GALNT14: variants seen among roughly 807,000 people sequenced by gnomAD.
GALNT14 encodes polypeptide N-acetylgalactosaminyltransferase 14, also known as UDP-GalNAc:polypeptide N-acetylgalactosaminyltransferase 14.
Under a neutral mutation model 77.5 loss-of-function variants are expected in GALNT14, and 60 were observed. The observed-to-expected ratio is 0.77, with a 90% CI of 0.63 to 0.96. The LOEUF (loss-of-function observed/expected upper bound fraction) is 0.96. GALNT14 is among the 40% of genes least tolerant of loss of function. The probability of loss-of-function intolerance (pLI) is 0.00; values close to 1 mark genes in which losing one functional copy is unlikely to be tolerated. For missense variants in GALNT14, 710 were observed against 731.0 expected, an observed-to-expected ratio of 0.97 and a Z score of 0.33; for synonymous variants, 280 against 281.7, an observed-to-expected ratio of 0.99 and a Z score of 0.06.
At chr2:30,994,212 T>C (rs904432135) in intron 1 of GALNT14, among the ~76,000 whole-genome samples, 6 of 152,184 alleles carry the variant, frequency 3.9e-5, no homozygotes, top group African/African-American at 1.4e-4. Flanking sequence ...CATGTGTTAC[T>C]GAACCCAGTG....
intron 1 of GALNT14, among the ~76,000 whole-genome samples, chr2:31,071,935 C>T (rs1052131943): frequency 6.6e-6 from 1 of 152,158 alleles, no homozygotes; most frequent in South Asian, 2.1e-4. Flanking sequence ...ACCCAGAAAG[C>T]GGCCTGGAGA....
intron 13 of GALNT14, among the ~76,000 whole-genome samples, chr2:30,914,341 A>C (rs1664542839): frequency 6.6e-6 from 1 of 152,092 alleles, no homozygotes; most frequent in Non-Finnish European, 1.5e-5. Flanking sequence ...AGATAACCTT[A>C]ATCCGGGGAG....
chr2:31,022,893 G>A (rs1224958416), intron 1 of GALNT14, among the ~76,000 whole-genome samples: 2 of 152,188 alleles, frequency 1.3e-5, no homozygotes, highest in Admixed American at 1.3e-4. Context: ...TGGGTGCCCT[G>A]CCAGGCTACT....
At chr2:31,116,174 A>G (rs548096361) in intron 1 of GALNT14, among the ~76,000 whole-genome samples, 2 of 152,358 alleles carry the variant, frequency 1.3e-5, no homozygotes, top group East Asian at 3.9e-4. Flanking sequence ...TAGATGGTAT[A>G]GTAAGATGTC....
rs867414539 is a variant in GALNT14, at chr2:30,932,321, G to C, written c.932-127C>G. On this transcript the variant is annotated intron_variant, in intron 9 of 14. Transcript: ENST00000349752. Reference sequence around the variant, plus strand: ...AACAGACTCTGCAGCCAGTCTGTAGGCTCCACTGGCTGAGAGACCTCAGTT... The same window carrying C: ...AACAGACTCTGCAGCCAGTCTGTAGCCTCCACTGGCTGAGAGACCTCAGTT... The C allele has an allele frequency of 7.1e-5, 60 of 846,018 alleles. 1 individual carries two copies. The Middle Eastern group carries it at 2.4e-3, about 34-fold the overall frequency. The allele number at this position is 846,018 out of a possible 1,614,324, so 52.4% of individuals were successfully genotyped here. A position where few individuals can be genotyped will look rare whatever the true frequency, so the allele number is the denominator to read the frequency against.
intron 3 of GALNT14, among the ~76,000 whole-genome samples, chr2:30,964,249 G>A (rs1474476166): frequency 6.6e-6 from 1 of 152,190 alleles, no homozygotes; most frequent in Non-Finnish European, 1.5e-5. Flanking sequence ...CATGGCGGTG[G>A]GGAAGGCAGA....
chr2:31,005,594 G>A (rs897873828), intron 1 of GALNT14, among the ~76,000 whole-genome samples: 3 of 152,164 alleles, frequency 2.0e-5, no homozygotes, highest in African/African-American at 7.2e-5. Flanking sequence ...AATGCTAATG[G>A]AGGGAAAACG....
At chr2:30,896,619 T>C in the GALNT14 span, among the ~76,000 whole-genome samples, 1 of 152,230 alleles carries the variant, frequency 6.6e-6, no homozygotes, top group African/African-American at 2.4e-5. Context: ...ACTGTATAAG[T>C]GGTTGCTACG....
At chr2:31,031,086 G>A (rs1672379918) in intron 1 of GALNT14, among the ~76,000 whole-genome samples, 1 of 152,156 alleles carries the variant, frequency 6.6e-6, no homozygotes, top group Admixed American at 6.5e-5. Context: ...TTCCTGTAAT[G>A]GCGATCACCA....
At chr2:30,933,812 T>C (rs1665892166) in intron 9 of GALNT14, among the ~76,000 whole-genome samples, 1 of 152,270 alleles carries the variant, frequency 6.6e-6, no homozygotes, top group African/African-American at 2.4e-5. Context: ...CGCGGAGGCC[T>C]GATTTGCTCT....
At chr2:31,102,896 CTT>C (rs1330608880) in intron 1 of GALNT14, among the ~76,000 whole-genome samples, 1 of 152,000 alleles carries the variant, frequency 6.6e-6, no homozygotes, top group Non-Finnish European at 1.5e-5. Flanking sequence ...CTGAATTCCA[CTT>C]TGTCTAATGC....
intron 2 of GALNT14, among the ~76,000 whole-genome samples, chr2:30,984,334 G>A (rs376508337): frequency 6.6e-6 from 1 of 152,208 alleles, no homozygotes; most frequent in Admixed American, 6.5e-5. Context: ...CTTGGGGCAG[G>A]GGCACCACTC....
chr2:30,895,527 G>T, the GALNT14 span, among the ~76,000 whole-genome samples: 1 of 152,232 alleles, frequency 6.6e-6, no homozygotes, highest in African/African-American at 2.4e-5. Context: ...AACAATTAGT[G>T]TAAAGTTCAT....
At chr2:31,070,806 T>G (rs1303748456) in intron 1 of GALNT14, among the ~76,000 whole-genome samples, 1 of 152,178 alleles carries the variant, frequency 6.6e-6, no homozygotes, top group East Asian at 1.9e-4. Flanking sequence ...TTTGAGTAAT[T>G]TGACGTTTAA....
chr2:30,956,046 T>C (rs920561724), intron 4 of GALNT14, 69 bp from the exon 5 acceptor site: 4 of 1,501,422 alleles, frequency 2.7e-6, no homozygotes, highest in South Asian at 1.1e-5. Context: ...TTGTGTGCAC[T>C]GCAGGTGAAC....
intron 3 of GALNT14, among the ~76,000 whole-genome samples, chr2:30,962,572 G>C (rs570920215): frequency 6.6e-6 from 1 of 152,180 alleles, no homozygotes; most frequent in Non-Finnish European, 1.5e-5. Context: ...CCACTCTTCA[G>C]GGCTTGTTTT....
intron 13 of GALNT14, among the ~76,000 whole-genome samples, chr2:30,919,536 C>G (rs1283198851): frequency 6.6e-6 from 1 of 152,210 alleles, no homozygotes; most frequent in African/African-American, 2.4e-5. Context: ...TGCTTTTACT[C>G]CACAGTTGAG....
chr2:30,956,096 A>C (rs1329331411), intron 4 of GALNT14, 119 bp from the exon 5 acceptor site: 8 of 921,486 alleles, frequency 8.7e-6, no homozygotes, highest in Non-Finnish European at 1.4e-5. Context: ...CTGTCCCCTA[A>C]CTGCAGAGTG....
chr2:31,002,108 A>G (rs539759188), intron 1 of GALNT14, among the ~76,000 whole-genome samples: 3 of 152,280 alleles, frequency 2.0e-5, no homozygotes, highest in Admixed American at 6.5e-5. Flanking sequence ...GCTCAAAGAA[A>G]CAAAGGGGCT....
Sources: allele counts gnomAD v4.1 joint callset (sites outside exome capture counted in the v4.1 genomes callset), GRCh38; gene constraint gnomAD v4.1.1; transcripts MANE v1.5; gene names NCBI Gene and HGNC (gene_info 2026-07-23, HGNC 2026-07-21).